The following ZNF385B variants were observed in gnomAD, a reference collection of about 807,000 sequenced individuals.
The protein encoded by ZNF385B is zinc finger protein 533.
A neutral mutation model predicts 39.2 loss-of-function variants in ZNF385B; 23 were observed. The observed-to-expected ratio is 0.59, with a 90% confidence interval of 0.42 to 0.83. The LOEUF (loss-of-function observed/expected upper bound fraction) is 0.83, where lower values mean the gene tolerates loss of function less well. Ranked by LOEUF, ZNF385B falls within the 40% of genes least tolerant of loss-of-function variation. ZNF385B has a pLI of 0.00. For missense variants in ZNF385B, 552 were observed against 598.9 expected, an observed-to-expected ratio of 0.92 and a Z score of 0.82; for synonymous variants, 205 against 222.6, an observed-to-expected ratio of 0.92 and a Z score of 0.70.
intron 6 of ZNF385B, among the ~76,000 whole-genome samples, chr2:179,457,397 T>C (rs2050820061): frequency 6.6e-6 from 1 of 152,134 alleles, no homozygotes; most frequent in Non-Finnish European, 1.5e-5. Flanking sequence ...TATATATACA[T>C]AGTAGAATTA....
intron 3 of ZNF385B, among the ~76,000 whole-genome samples, chr2:179,691,708 A>C (rs1698368138): frequency 1.3e-5 from 2 of 152,186 alleles, no homozygotes; most frequent in South Asian, 4.1e-4. Flanking sequence ...CAGAGCAAAA[A>C]CAAGTAATTT....
intron 3 of ZNF385B, among the ~76,000 whole-genome samples, chr2:179,669,010 G>A (rs943183809): frequency 2.0e-5 from 3 of 152,152 alleles, no homozygotes; most frequent in African/African-American, 7.2e-5. Context: ...TATGTAAATG[G>A]CTGTATGTTA....
At chr2:179,754,260 G>C (rs1048646923) in intron 3 of ZNF385B, among the ~76,000 whole-genome samples, 2 of 152,134 alleles carry the variant, frequency 1.3e-5, no homozygotes, top group African/African-American at 4.8e-5. Flanking sequence ...TGTTGAACCA[G>C]CCTTGCATCC....
At chr2:179,820,036 T>C (rs182972188) in intron 1 of ZNF385B, among the ~76,000 whole-genome samples, 1 of 152,172 alleles carries the variant, frequency 6.6e-6, no homozygotes, top group Non-Finnish European at 1.5e-5. Flanking sequence ...ACCCTTAGAA[T>C]GTTTATGTAT....
intron 3 of ZNF385B, among the ~76,000 whole-genome samples, chr2:179,545,731 T>C (rs976709018): frequency 1.3e-5 from 2 of 152,210 alleles, no homozygotes; most frequent in Non-Finnish European, 2.9e-5. Flanking sequence ...CTATTTGTTT[T>C]GTTGACTATT....
chr2:179,688,874 C>T (rs1343012901), intron 3 of ZNF385B, among the ~76,000 whole-genome samples: 6 of 152,212 alleles, frequency 3.9e-5, no homozygotes, highest in Admixed American at 2.6e-4. Context: ...ACAATTTTAT[C>T]GTCAATTATT....
rs1387725925 is a variant in ZNF385B at position 179,765,235 on chromosome 2, T to TA, written c.298+4267_298+4268insT. On this transcript the variant is annotated intron_variant, in intron 3 of 9. Transcript: ENST00000410066. ...CTTCTCAAAGCTCCAAGATTCATTTTCATTTCCTTTCTAGTTGAAAATTTT... is the reference window on the plus strand; with the variant it reads ...CTTCTCAAAGCTCCAAGATTCATTTTACATTTCCTTTCTAGTTGAAAATTTT... Among the ~76,000 whole-genome samples, 3 of 152,360 alleles carry TA rather than the reference T, an allele frequency of 2.0e-5. No homozygotes were observed. In the East Asian group the frequency reaches 5.8e-4, roughly 29 times the overall value.
chr2:179,653,539 A>C (rs953432653), intron 3 of ZNF385B, among the ~76,000 whole-genome samples: 1 of 152,176 alleles, frequency 6.6e-6, no homozygotes, highest in African/African-American at 2.4e-5. Flanking sequence ...ACCTGTCCAC[A>C]TCTCTGTAAG....
At chr2:179,662,430 T>A (rs571163280) in intron 3 of ZNF385B, among the ~76,000 whole-genome samples, 40 of 152,094 alleles carry the variant, frequency 2.6e-4, no homozygotes, top group African/African-American at 8.7e-4. Flanking sequence ...ACATTTCTGT[T>A]GTTTAAGGCA....
chr2:179,470,871 A>AAACAAACAAACC (rs1257556270), intron 6 of ZNF385B, among the ~76,000 whole-genome samples: 1 of 152,032 alleles, frequency 6.6e-6, no homozygotes, highest in Non-Finnish European at 1.5e-5. Flanking sequence ...TCCCTGAAAC[A>AAACAAACAAACC]AACAAACAAA....
At chr2:179,602,942 G>A (rs1688523326) in intron 3 of ZNF385B, among the ~76,000 whole-genome samples, 1 of 152,094 alleles carries the variant, frequency 6.6e-6, no homozygotes, top group South Asian at 2.1e-4. Flanking sequence ...AGCTTTTTCT[G>A]TGTAAAGATG....
chr2:179,769,507 G>A lies in ZNF385B; in HGVS notation c.294C>T (p.Ser98=). Residue 98 remains serine, a synonymous_variant, in exon 3 of 10, where the codon AGC becomes AGT. Coordinates refer to ENST00000410066, the MANE Select transcript of ZNF385B (RefSeq NM_152520.6). ...PAQASPSSNS[S]TGSTCHTTTL... ...ACCCGGGACCCTGCCTCCTACCTGT[G>A]CTGCTGTTGCTGCTGGGGCTGGCCT... is the stretch of plus-strand genomic sequence containing the variant. The A allele has an allele frequency of 6.2e-7, 1 of 1,613,662 alleles. No homozygotes were observed. Among genetic ancestry groups the A allele is most frequent in the Non-Finnish European group, 8.5e-7 (1 of 1,179,942 alleles).
At chr2:179,501,731 A>G (rs999522358) in intron 5 of ZNF385B, among the ~76,000 whole-genome samples, 1 of 152,184 alleles carries the variant, frequency 6.6e-6, no homozygotes, top group Non-Finnish European at 1.5e-5. Flanking sequence ...ATTACTTAAA[A>G]GTATAATCGT....
intron 1 of ZNF385B, among the ~76,000 whole-genome samples, chr2:179,774,676 T>C (rs2887085): frequency 0.28 from 42,302 of 152,172 alleles, 6,070 homozygotes; most frequent in Admixed American, 0.33. Flanking sequence ...GTTTTCTAAT[T>C]ATTTTAGCTT....
intron 5 of ZNF385B, among the ~76,000 whole-genome samples, chr2:179,515,700 T>A (rs994422866): frequency 2.6e-5 from 4 of 152,210 alleles, no homozygotes; most frequent in Non-Finnish European, 5.9e-5. Flanking sequence ...GTTATATCTC[T>A]ATCATAAATT....
At chr2:179,580,914 G>A (rs1686434838) in intron 3 of ZNF385B, among the ~76,000 whole-genome samples, 2 of 152,166 alleles carry the variant, frequency 1.3e-5, no homozygotes, top group African/African-American at 4.8e-5. Flanking sequence ...ATCACATGAG[G>A]GGCTGACAAC....
chr2:179,694,801 G>A (rs1698597082), intron 3 of ZNF385B, among the ~76,000 whole-genome samples: 1 of 152,164 alleles, frequency 6.6e-6, no homozygotes, highest in Non-Finnish European at 1.5e-5. Flanking sequence ...GTGATGGTGT[G>A]GGCCTGTAGT....
intron 3 of ZNF385B, among the ~76,000 whole-genome samples, chr2:179,573,348 A>G (rs1574858234): frequency 2.0e-5 from 3 of 152,282 alleles, no homozygotes; most frequent in Admixed American, 2.0e-4. Context: ...GATGAAAGGA[A>G]TAGTATAATT....
chr2:179,751,902 CTCT>C (rs777693918), intron 3 of ZNF385B, among the ~76,000 whole-genome samples: 4 of 151,958 alleles, frequency 2.6e-5, no homozygotes, highest in Admixed American at 6.6e-5. Context: ...ATTTTAAAAT[CTCT>C]TTTTTTAATT....
Sources: allele counts gnomAD v4.1 joint callset (sites outside exome capture counted in the v4.1 genomes callset), GRCh38; gene constraint gnomAD v4.1.1; transcripts MANE v1.5; gene names NCBI Gene and HGNC (gene_info 2026-07-23, HGNC 2026-07-21).